Variants in NOL4L observed in about 807,000 individuals in gnomAD.
The protein encoded by NOL4L is nucleolar protein 4-like.
In NOL4L, 7 loss-of-function variants were observed where a neutral mutation model predicts 64.5. The ratio of observed to expected loss-of-function variants is 0.11; its 90% CI spans 0.06 to 0.20. The LOEUF is 0.20. Ranked by LOEUF, NOL4L falls within the 10% of genes least tolerant of loss-of-function variation. The probability of loss-of-function intolerance (pLI) is 1.00; values close to 1 mark genes in which losing one functional copy is unlikely to be tolerated. For missense variants in NOL4L, 680 were observed against 967.1 expected, an observed-to-expected ratio of 0.70 and a Z score of 3.94; for synonymous variants, 413 against 401.0, an observed-to-expected ratio of 1.03 and a Z score of -0.36.
In NOL4L at chr20:32,501,849, G is replaced by C. The variant is rs1490621008; in HGVS notation, c.699+9498C>G. On this transcript the variant is annotated intron_variant, in intron 4 of 10. Transcript: ENST00000621426. ...ACAGCATAGGCAATATCAAAAGAGAGAGAGCTACGGATGGGGAAAAGGAGG... is the reference window on the plus strand; with the variant it reads ...ACAGCATAGGCAATATCAAAAGAGACAGAGCTACGGATGGGGAAAAGGAGG... Among the ~76,000 whole-genome samples, 3 of 152,292 alleles carry C rather than the reference G, an allele frequency of 2.0e-5. No homozygotes were observed. In the East Asian group the frequency reaches 5.8e-4, roughly 29 times the overall value.
intron 1 of NOL4L, among the ~76,000 whole-genome samples, chr20:32,570,465 C>T (rs1003295926): frequency 6.6e-6 from 1 of 152,204 alleles, no homozygotes; most frequent in African/African-American, 2.4e-5. Flanking sequence ...GGCCTTGAGC[C>T]CCCATCTTCT....
rs1162868144 is a variant in NOL4L, at chr20:32,452,998, G to A, written c.1506C>T (p.Pro502=). ...TGGCCGAGGTCAGATGGGGTGGCGT[G>A]GGTCTGGTCTGCAGGCAGAACGGGG... The part of the protein sequence containing the change: ...MKKNGMEMTR[P]TPPHLTSAMA... Residue 502 remains proline (P), a synonymous_variant, in exon 9 of 11, where the codon CCC becomes CCT. Coordinates refer to ENST00000621426, the MANE Select transcript of NOL4L (RefSeq NM_001256798.2). 1 of 1,613,400 alleles carries A rather than the reference G, an allele frequency of 6.2e-7. No individual in the cohort carries two copies. The highest frequency in any genetic ancestry group is 8.5e-7 in the Non-Finnish European group (1 of 1,180,016).
rs543768294 is a variant in NOL4L, at chr20:32,490,144, A to AAAAAAAAAAAAAC, written c.700-15403_700-15402insGTTTTTTTTTTTT. 5.7e-5 allele frequency among the ~76,000 whole-genome samples: 7 copies of AAAAAAAAAAAAAC among 122,180 alleles called. 1 individual carries two copies. The highest frequency in any genetic ancestry group is 8.1e-5 in the Non-Finnish European group (5 of 61,408). 80.2% of individuals were successfully genotyped at this position (122,180 alleles called of 152,430 possible). ...ACTCCATCTCAAAAAAAAAAAAAAA[A>AAAAAAAAAAAAAC]ATATATATACACATATATATATGTA... On this transcript the variant is annotated intron_variant, in intron 4 of 10. Transcript: ENST00000621426.
At chr20:32,581,876 G>A (rs926900184) in intron 1 of NOL4L, 1 of 148,928 alleles carries the variant, frequency 6.7e-6, no homozygotes, top group Non-Finnish European at 1.5e-5. Context: ...ATGACACCAG[G>A]GGTGAGGGGG....
chr20:32,558,929 C>T (rs1430011314), intron 1 of NOL4L, among the ~76,000 whole-genome samples: 1 of 152,116 alleles, frequency 6.6e-6, no homozygotes, highest in Non-Finnish European at 1.5e-5. Flanking sequence ...GAGGGGCCGC[C>T]GAGAACCAGT....
chr20:32,569,238 G>A (rs1979618213), intron 1 of NOL4L, among the ~76,000 whole-genome samples: 1 of 152,170 alleles, frequency 6.6e-6, no homozygotes, highest in Admixed American at 6.5e-5. Flanking sequence ...CAGGGGAACA[G>A]CCAGGAGGCC....
At chr20:32,540,885 G>C (rs924449724) in intron 1 of NOL4L, among the ~76,000 whole-genome samples, 2 of 151,718 alleles carry the variant, frequency 1.3e-5, no homozygotes, top group Non-Finnish European at 2.9e-5. Flanking sequence ...CAGCAGCTGG[G>C]GTCATCGCCC....
At position 32,481,622 on chromosome 20, in the gene NOL4L, C is replaced by T. The variant is rs543255836; in HGVS notation, c.700-6880G>A. 2.6e-5 allele frequency among the ~76,000 whole-genome samples: 4 copies of T among 152,292 alleles called. No homozygotes were observed. The South Asian group carries it at 6.2e-4, about 24-fold the overall frequency. On this transcript the variant is annotated intron_variant, in intron 4 of 10. Transcript: ENST00000621426. ...AGGAAGGTGCTGAATAGGGTGGTGTCGCCCAGCTCAAGAGGTGCTGTCTTA... is the reference window on the plus strand; with the variant it reads ...AGGAAGGTGCTGAATAGGGTGGTGTTGCCCAGCTCAAGAGGTGCTGTCTTA...
intron 3 of NOL4L, among the ~76,000 whole-genome samples, chr20:32,517,658 C>T (rs550047253): frequency 1.3e-5 from 2 of 152,300 alleles, no homozygotes; most frequent in Admixed American, 1.3e-4. Flanking sequence ...GGGGCCACAT[C>T]TGACCCTACC....
intron 4 of NOL4L, among the ~76,000 whole-genome samples, chr20:32,506,919 A>T (rs1382531763): frequency 1.3e-5 from 2 of 152,176 alleles, no homozygotes; most frequent in Non-Finnish European, 1.5e-5. Flanking sequence ...GGGCTCAGAC[A>T]ATGGAGCTGC....
intron 4 of NOL4L, among the ~76,000 whole-genome samples, chr20:32,483,156 C>A (rs1458871995): frequency 6.7e-6 from 1 of 149,692 alleles, no homozygotes; most frequent in East Asian, 2.0e-4. Flanking sequence ...CCAGCCCACT[C>A]GGCCCAGGGC....
Position 32,474,007 on chromosome 20 carries a change from C to T in NOL4L, c.841+594G>A, listed in dbSNP as rs532699078. ...CTGATTCCTGACCCTAACTCTCCAA[C>T]CCCTGAGAAGGAAGCCTCTATTCCA... is the stretch of plus-strand genomic sequence containing the variant. On this transcript the variant is annotated intron_variant, in intron 5 of 10. Transcript: ENST00000621426. Among the ~76,000 whole-genome samples the T allele has an allele frequency of 1.0e-3, 155 of 152,368 alleles. 1 individual carries two copies. The Middle Eastern group carries it at 0.01, about 10-fold the overall frequency.
chr20:32,509,646 A>C, intron 4 of NOL4L: 2 of 723,398 alleles, frequency 2.8e-6, no homozygotes, highest in Non-Finnish European at 3.8e-6. Context: ...ATCCTCGTTA[A>C]AGCACCTAAC....
At chr20:32,536,196 T>C (rs1239097219) in intron 1 of NOL4L, 31 of 985,392 alleles carry the variant, frequency 3.1e-5, no homozygotes, top group Non-Finnish European at 3.5e-5. Context: ...GCGACCCGCC[T>C]CCCGGGGCAC....
intron 1 of NOL4L, among the ~76,000 whole-genome samples, chr20:32,570,065 C>G (rs1979666157): frequency 6.6e-6 from 1 of 152,122 alleles, no homozygotes; most frequent in Non-Finnish European, 1.5e-5. Context: ...GAAACAACCC[C>G]AAACAGCAGG....
intron 4 of NOL4L, among the ~76,000 whole-genome samples, chr20:32,488,794 T>TCTTCCTTC (rs2016251004): frequency 2.1e-5 from 1 of 48,720 alleles, no homozygotes; most frequent in Non-Finnish European, 3.7e-5. Flanking sequence ...TTCCTTCCTT[T>TCTTCCTTC]CTTTCTTTCT....
chr20:32,539,003 C>T (rs1370478554), intron 1 of NOL4L, among the ~76,000 whole-genome samples: 1 of 131,176 alleles, frequency 7.6e-6, no homozygotes, highest in Non-Finnish European at 1.6e-5. Context: ...GACCAGAGCC[C>T]AGTGCCCAGG....
intron 4 of NOL4L, among the ~76,000 whole-genome samples, chr20:32,492,111 G>T (rs745907500): frequency 3.9e-5 from 6 of 152,164 alleles, no homozygotes; most frequent in Non-Finnish European, 7.3e-5. Context: ...ACCCTGTCTC[G>T]AAAGACAGAA....
rs375174652 is a variant in NOL4L at position 32,447,671 on chromosome 20, C to T, written c.1968G>A (p.Ala656=). Reference sequence around the variant, plus strand: ...GGAAGGCAGCAGACTCCCGGTAGCCCGCGATGAGCTGCCGCACGGCGCTGA... The same window carrying T: ...GGAAGGCAGCAGACTCCCGGTAGCCTGCGATGAGCTGCCGCACGGCGCTGA... ...TEISAVRQLI[A]GYRESAAFLL... The change falls in exon 11 of 11, where the codon GCG becomes GCA. Residue 656 remains alanine, a synonymous_variant. Coordinates refer to ENST00000621426, the MANE Select transcript of NOL4L (RefSeq NM_001256798.2). 36 of 1,611,988 alleles carry T rather than the reference C, an allele frequency of 2.2e-5. No individual in the cohort carries two copies. The highest frequency in any genetic ancestry group is 1.3e-4 in the East Asian group (6 of 44,848).
Sources: gnomAD v4.1 joint callset for allele counts (sites outside exome capture counted in the v4.1 genomes callset) on GRCh38, gnomAD v4.1.1 for gene constraint, MANE v1.5 for transcripts, NCBI Gene and HGNC (gene_info 2026-07-23, HGNC 2026-07-21) for gene names.